Variants in FXR1 observed in about 807,000 individuals in gnomAD.
FXR1 encodes the protein RNA-binding protein FXR1.
Under a neutral mutation model 84.0 loss-of-function variants are expected in FXR1, and 15 were observed. The observed-to-expected ratio is 0.18, with a 90% confidence interval of 0.12 to 0.27. The LOEUF (loss-of-function observed/expected upper bound fraction) is 0.27, where lower values mean the gene tolerates loss of function less well. Ranked by LOEUF, FXR1 falls within the 10% of genes least tolerant of loss-of-function variation. The pLI is 1.00. For missense variants in FXR1, 480 were observed against 774.4 expected (o/e 0.62, Z 4.51); for synonymous variants, 245 against 250.7 (o/e 0.98, Z 0.21).
chr3:180,973,804 TAGTTCTAGAA>T (rs1713883998), intron 15 of FXR1, among the ~76,000 whole-genome samples: 1 of 152,170 alleles, frequency 6.6e-6, no homozygotes, highest in South Asian at 2.1e-4. Context: ...ATTTACATAA[TAGTTCTAGAA>T]AGTTCTTGGA....
intron 16 of FXR1, among the ~76,000 whole-genome samples, chr3:180,975,793 A>G (rs1714167402): frequency 6.6e-6 from 1 of 152,170 alleles, no homozygotes; most frequent in South Asian, 2.1e-4. Flanking sequence ...AGGTGAGTAA[A>G]GTAGGTGATT....
intron 1 of FXR1, among the ~76,000 whole-genome samples, chr3:180,931,025 T>TTAAAA (rs1719823305): frequency 4.3e-5 from 1 of 23,194 alleles, no homozygotes; most frequent in Admixed American, 5.8e-4. Context: ...CGAGACTGCC[T>TTAAAA]CAAAAAAAAA....
chr3:180,979,450 T>A lies in FXR1; in HGVS notation c.*3158T>A, dbSNP rs1024177266. 1.1e-4 allele frequency: 17 copies of A among 152,156 alleles called. No homozygotes were observed. Among genetic ancestry groups the A allele is most frequent in the African/African-American group, 3.9e-4 (16 of 41,464 alleles). 9.4% of individuals were successfully genotyped at this position (152,156 alleles called of 1,614,324 possible). ...CAAAAAATCTCAAAGAAAAGGATGT[T>A]TGTTACTGTCTCAGTCTTCCTGTCT... On this transcript the variant is annotated 3_prime_UTR_variant, in exon 17 of 17. Coordinates refer to ENST00000357559, the MANE Select transcript of FXR1 (RefSeq NM_005087.4).
chr3:180,928,976 G>T (rs1420427047), intron 1 of FXR1, among the ~76,000 whole-genome samples: 2 of 151,836 alleles, frequency 1.3e-5, no homozygotes, highest in African/African-American at 4.8e-5. Flanking sequence ...AGGCTGGAGT[G>T]CAATGCGCTT....
intron 1 of FXR1, among the ~76,000 whole-genome samples, chr3:180,920,315 A>G (rs1031057402): frequency 6.6e-6 from 1 of 152,050 alleles, no homozygotes; most frequent in African/African-American, 2.4e-5. Flanking sequence ...CTCAGTGTAT[A>G]TTTGTTGAAT....
At chr3:180,959,789 A>G (rs919528661) in intron 10 of FXR1, among the ~76,000 whole-genome samples, 7 of 152,032 alleles carry the variant, frequency 4.6e-5, no homozygotes, top group Non-Finnish European at 1.0e-4. Flanking sequence ...CTTCAAAGCC[A>G]CTGTGAACCT....
intron 1 of FXR1, among the ~76,000 whole-genome samples, chr3:180,917,274 A>AG (rs34842645): frequency 0.24 from 36,562 of 152,088 alleles, 4,600 homozygotes; most frequent in African/African-American, 0.31. Context: ...TAAATTATGC[A>AG]TAGATATATT....
At chr3:180,948,178 C>T in intron 4 of FXR1, 169 bp from the exon 5 acceptor site, 1 of 628,654 alleles carries the variant, frequency 1.6e-6, no homozygotes, top group South Asian at 2.0e-5. Flanking sequence ...TTGTAAGAAC[C>T]TATAATCTAG....
At chr3:180,965,488 C>G (rs1423618381) in intron 13 of FXR1, among the ~76,000 whole-genome samples, 1 of 151,270 alleles carries the variant, frequency 6.6e-6, no homozygotes, top group Non-Finnish European at 1.5e-5. Flanking sequence ...AATTTATTAT[C>G]TTATAGTTCT....
chr3:180,938,588 G>A (rs568770483), intron 3 of FXR1, among the ~76,000 whole-genome samples: 4 of 152,174 alleles, frequency 2.6e-5, no homozygotes, highest in African/African-American at 9.6e-5. Context: ...TGCTCCTGTT[G>A]CTCAGGCTGG....
chr3:180,953,895 T>C (rs1224494481), intron 9 of FXR1, 55 bp downstream of exon 9: 5 of 885,684 alleles, frequency 5.6e-6, no homozygotes, highest in South Asian at 4.2e-5. Context: ...TAGTTACATA[T>C]AGCGACTTAA....
intron 1 of FXR1, among the ~76,000 whole-genome samples, chr3:180,912,950 C>T (rs1057257572): frequency 1.1e-4 from 17 of 152,246 alleles, no homozygotes; most frequent in African/African-American, 3.6e-4. Context: ...CGTCGGACAC[C>T]TCTTGCATTT....
chr3:180,967,017 T>C (rs750013952), intron 13 of FXR1, among the ~76,000 whole-genome samples: 3 of 152,210 alleles, frequency 2.0e-5, no homozygotes, highest in Admixed American at 2.0e-4. Flanking sequence ...GTTGCAGTGT[T>C]AGAAATGGTC....
chr3:180,915,886 A>G (rs979078003), intron 1 of FXR1, among the ~76,000 whole-genome samples: 3 of 152,214 alleles, frequency 2.0e-5, no homozygotes, highest in Non-Finnish European at 2.9e-5. Context: ...AATAGTATGT[A>G]CACAAATGGT....
intron 6 of FXR1, 133 bp downstream of exon 6, chr3:180,948,947 ATTTG>A (rs1721952142): frequency 6.3e-6 from 4 of 630,622 alleles, no homozygotes; most frequent in African/African-American, 1.8e-5. Context: ...TGGGAGAAAA[ATTTG>A]TTTGCAGCTA....
chr3:180,982,290 CAAAAGAT>C lies in FXR1; in HGVS notation c.*6004_*6010del, dbSNP rs1217729103. On this transcript the variant is annotated 3_prime_UTR_variant, in exon 17 of 17. Transcript: ENST00000357559. Reference sequence around the variant, plus strand: ...CAAGTATTTTGTAAGAAAATACCAGCAAAAGATAAAAGTTTTTTTATGGATCGTATTT... The same window carrying C: ...CAAGTATTTTGTAAGAAAATACCAGCAAAAGTTTTTTTATGGATCGTATTT... 3 of 151,932 alleles carry C rather than the reference CAAAAGAT, an allele frequency of 2.0e-5. No homozygotes were observed. The highest frequency in any genetic ancestry group is 1.3e-4 in the Admixed American group (2 of 15,226). The allele number at this position is 151,932 out of a possible 1,614,324, so 9.4% of individuals were successfully genotyped here. A position where few individuals can be genotyped will look rare whatever the true frequency, so the allele number is the denominator to read the frequency against.
intron 3 of FXR1, among the ~76,000 whole-genome samples, chr3:180,943,886 C>G (rs1721403802): frequency 6.6e-6 from 1 of 152,004 alleles, no homozygotes; most frequent in Non-Finnish European, 1.5e-5. Flanking sequence ...GAGATAGTTA[C>G]TCGAATGGGC....
At chr3:180,944,299 G>T (rs180989031) in intron 3 of FXR1, among the ~76,000 whole-genome samples, 1 of 151,628 alleles carries the variant, frequency 6.6e-6, no homozygotes, top group East Asian at 1.9e-4. Context: ...CAGAAAGAAT[G>T]AAAGGGTAGT....
At chr3:180,925,472 TAACA>T (rs967931392) in intron 1 of FXR1, among the ~76,000 whole-genome samples, 81 of 152,296 alleles carry the variant, frequency 5.3e-4, no homozygotes, top group African/African-American at 1.8e-3. Flanking sequence ...CAGAAGGTGT[TAACA>T]AACAAACATT....
Sources: gnomAD v4.1 joint callset for allele counts (sites outside exome capture counted in the v4.1 genomes callset) on GRCh38, gnomAD v4.1.1 for gene constraint, MANE v1.5 for transcripts, NCBI Gene and HGNC (gene_info 2026-07-23, HGNC 2026-07-21) for gene names.